Variants in OXR1 observed in about 807,000 individuals in gnomAD.
OXR1 encodes oxidation resistance protein 1.
In OXR1, 41 loss-of-function variants were observed where a neutral mutation model predicts 104.6. The ratio of observed to expected loss-of-function variants is 0.39; its 90% CI spans 0.31 to 0.51. The LOEUF (loss-of-function observed/expected upper bound fraction) is 0.51. OXR1 is among the 20% of genes least tolerant of loss of function. The pLI, the probability that OXR1 is intolerant of heterozygous loss-of-function variation, is 0.77. For missense variants in OXR1, 955 were observed against 1,031.9 expected, an observed-to-expected ratio of 0.93 and a Z score of 1.02; for synonymous variants, 348 against 348.4, an observed-to-expected ratio of 1.00 and a Z score of 0.01.
At chr8:106,695,262 T>C (rs1246757404) in intron 7 of OXR1, among the ~76,000 whole-genome samples, 1 of 151,928 alleles carries the variant, frequency 6.6e-6, no homozygotes. Context: ...TAGTTGCAGA[T>C]TTCCATTTGT....
intron 1 of OXR1, among the ~76,000 whole-genome samples, chr8:106,318,773 GC>G (rs1348113817): frequency 6.6e-6 from 1 of 152,030 alleles, no homozygotes; most frequent in African/African-American, 2.4e-5. Context: ...TTGCTTTTCT[GC>G]TAGTTTCTTA....
At chr8:106,415,975 T>C (rs1818661646) in intron 2 of OXR1, among the ~76,000 whole-genome samples, 1 of 152,110 alleles carries the variant, frequency 6.6e-6, no homozygotes, top group South Asian at 2.1e-4. Flanking sequence ...TCCACAAGTC[T>C]TGAGAATATC....
intron 1 of OXR1, among the ~76,000 whole-genome samples, chr8:106,295,853 G>C (rs192850087): frequency 2.6e-5 from 4 of 152,220 alleles, no homozygotes; most frequent in Admixed American, 1.3e-4. Flanking sequence ...TGAAATATCT[G>C]CCATTTCTTT....
rs71562108 is a variant in OXR1, at chr8:106,582,177, C to CATATATATATATATATAT, written c.220+63047_220+63064dup. Among the ~76,000 whole-genome samples the CATATATATATATATATAT allele has an allele frequency of 5.4e-3, 646 of 119,182 alleles. 25 individuals are homozygous for CATATATATATATATATAT. The highest frequency in any genetic ancestry group is 0.023 in the African/African-American group (596 of 25,832). 78.2% of individuals were successfully genotyped at this position (119,182 alleles called of 152,430 possible). On this transcript the variant is annotated intron_variant, in intron 3 of 16. Transcript: ENST00000517566. The stretch of plus-strand genomic sequence containing the variant: ...AGCAAGACAGATTTTTTTCTATTGA[C>CATATATATATATATATAT]ATATATATATATATATATATATATA...
At chr8:106,456,296 A>G (rs956829372) in intron 2 of OXR1, among the ~76,000 whole-genome samples, 3 of 152,132 alleles carry the variant, frequency 2.0e-5, no homozygotes, top group East Asian at 1.9e-4. Flanking sequence ...AAATTCATTC[A>G]TTGAGTCATA....
At chr8:106,497,145 G>C (rs1811469950) in intron 2 of OXR1, among the ~76,000 whole-genome samples, 1 of 152,216 alleles carries the variant, frequency 6.6e-6, no homozygotes, top group Non-Finnish European at 1.5e-5. Context: ...ATATCCACTA[G>C]AGCTGTTATC....
At chr8:106,388,759 C>T (rs940261597) in intron 2 of OXR1, among the ~76,000 whole-genome samples, 1 of 152,182 alleles carries the variant, frequency 6.6e-6, no homozygotes, top group East Asian at 1.9e-4. Context: ...AGCACAGGAC[C>T]TAAGAAATTC....
intron 3 of OXR1, among the ~76,000 whole-genome samples, chr8:106,616,350 C>T (rs555170389): frequency 3.3e-5 from 5 of 151,054 alleles, no homozygotes; most frequent in Non-Finnish European, 5.9e-5. Context: ...TGTGAGCCAC[C>T]GCGCCCAGCC....
intron 14 of OXR1, among the ~76,000 whole-genome samples, chr8:106,741,008 TACTA>T (rs1266297064): frequency 6.6e-6 from 1 of 152,114 alleles, no homozygotes; most frequent in Non-Finnish European, 1.5e-5. Context: ...ACACTGGTAT[TACTA>T]ACACTTTTAG....
intron 2 of OXR1, among the ~76,000 whole-genome samples, chr8:106,456,266 C>T (rs577529914): frequency 1.3e-5 from 2 of 152,156 alleles, no homozygotes; most frequent in Non-Finnish European, 2.9e-5. Flanking sequence ...TACCCACTTG[C>T]CTGCTTCCTC....
At chr8:106,635,940 A>T (rs952307241) in intron 3 of OXR1, among the ~76,000 whole-genome samples, 1 of 152,212 alleles carries the variant, frequency 6.6e-6, no homozygotes, top group East Asian at 1.9e-4. Flanking sequence ...CTTTCACAAG[A>T]AATGATTCCA....
chr8:106,454,951 C>A (rs904498646), intron 2 of OXR1, among the ~76,000 whole-genome samples: 2 of 152,194 alleles, frequency 1.3e-5, no homozygotes, highest in Admixed American at 1.3e-4. Flanking sequence ...ATACTTCTGA[C>A]AATTTTTAGT....
At chr8:106,358,546 C>T (rs577462524) in intron 1 of OXR1, among the ~76,000 whole-genome samples, 3 of 152,262 alleles carry the variant, frequency 2.0e-5, no homozygotes, top group Non-Finnish European at 2.9e-5. Flanking sequence ...ATTCATTCAT[C>T]CCTGAGCTAA....
intron 2 of OXR1, among the ~76,000 whole-genome samples, chr8:106,508,827 G>A (rs533184482): frequency 6.6e-6 from 1 of 152,074 alleles, no homozygotes; most frequent in Non-Finnish European, 1.5e-5. Flanking sequence ...GTAGATCGTT[G>A]GACTACATTG....
intron 3 of OXR1, among the ~76,000 whole-genome samples, chr8:106,526,724 T>A (rs971720233): frequency 6.6e-6 from 1 of 152,172 alleles, no homozygotes; most frequent in Non-Finnish European, 1.5e-5. Context: ...TTTGTATTTT[T>A]AGTAGAGACA....
chr8:106,313,834 T>A (rs1464670564), intron 1 of OXR1, among the ~76,000 whole-genome samples: 4 of 152,182 alleles, frequency 2.6e-5, no homozygotes, highest in Non-Finnish European at 5.9e-5. Flanking sequence ...TTAGTTGAAA[T>A]TTTAACATGT....
intron 2 of OXR1, among the ~76,000 whole-genome samples, chr8:106,437,508 A>C (rs1389473030): frequency 6.6e-6 from 1 of 152,014 alleles, no homozygotes; most frequent in Non-Finnish European, 1.5e-5. Flanking sequence ...ATTATCTTTG[A>C]CCTCTGATTT....
chr8:106,680,969 C>T (rs2131221540), intron 4 of OXR1, among the ~76,000 whole-genome samples: 1 of 152,310 alleles, frequency 6.6e-6, no homozygotes, highest in African/African-American at 2.4e-5. Flanking sequence ...ACCACAACTC[C>T]ATTCAATCCA....
intron 1 of OXR1, among the ~76,000 whole-genome samples, chr8:106,316,451 A>G (rs771646291): frequency 6.6e-6 from 1 of 152,132 alleles, no homozygotes; most frequent in African/African-American, 2.4e-5. Context: ...TACATTTTGC[A>G]TTTATCTGCC....
Sources: gnomAD v4.1 joint callset for allele counts (sites outside exome capture counted in the v4.1 genomes callset) on GRCh38, gnomAD v4.1.1 for gene constraint, MANE v1.5 for transcripts, NCBI Gene and HGNC (gene_info 2026-07-23, HGNC 2026-07-21) for gene names.